PATL2: variants seen among roughly 807,000 people sequenced by gnomAD.
The protein encoded by PATL2 is PAT1 homolog 2, also known as protein PAT1 homolog 2.
A neutral mutation model predicts 77.0 loss-of-function variants in PATL2; 73 were observed. The observed-to-expected ratio is 0.95, with a 90% confidence interval of 0.78 to 1.15. The LOEUF is 1.15. Among genes scored for constraint, PATL2 ranks in the 50% most tolerant of loss-of-function variants. The pLI is 0.00. For synonymous variants in PATL2, 265 were observed against 257.1 expected (o/e 1.03, Z -0.29); for missense variants, 618 against 655.4 (o/e 0.94, Z 0.62).
At chr15:44,685,094 G>A (rs2086223808) in intron 3 of PATL2, among the ~76,000 whole-genome samples, 1 of 152,186 alleles carries the variant, frequency 6.6e-6, no homozygotes. Flanking sequence ...GCTCCTGAAG[G>A]AAGCACTAAA....
intron 3 of PATL2, among the ~76,000 whole-genome samples, chr15:44,691,395 T>C (rs1367491971): frequency 1.3e-5 from 2 of 152,180 alleles, no homozygotes; most frequent in African/African-American, 4.8e-5. Context: ...TGGTGGCTCA[T>C]GCCTGTAATC....
chr15:44,708,238 T>G (rs554188592), intron 3 of PATL2, among the ~76,000 whole-genome samples: 1 of 152,320 alleles, frequency 6.6e-6, no homozygotes, highest in South Asian at 2.1e-4. Context: ...GTGCTTTTTT[T>G]TGTGTGGATC....
chr15:44,667,349 A>G (rs567533050), intron 15 of PATL2, 146 bp from the exon 16 acceptor site: 1 of 636,898 alleles, frequency 1.6e-6, no homozygotes, highest in African/African-American at 1.8e-5. Context: ...CAGGTTTTAC[A>G]CTGGTGAGCC....
chr15:44,676,052 G>A (rs1387549597), intron 4 of PATL2: 2 of 314,236 alleles, frequency 6.4e-6, no homozygotes, highest in Admixed American at 4.7e-5. Context: ...AAAGGAACCC[G>A]GCAGATACCA....
chr15:44,676,976 A>G, intron 3 of PATL2: 2 of 943,722 alleles, frequency 2.1e-6, no homozygotes, highest in Non-Finnish European at 2.5e-6. Flanking sequence ...CTCACCCATT[A>G]AAGGGCTAGC....
At chr15:44,706,493 C>G (rs757848902) in intron 3 of PATL2, among the ~76,000 whole-genome samples, 1 of 152,224 alleles carries the variant, frequency 6.6e-6, no homozygotes, top group Non-Finnish European at 1.5e-5. Flanking sequence ...CTGCTGACAA[C>G]TTAACACTGA....
intron 3 of PATL2, among the ~76,000 whole-genome samples, chr15:44,683,262 G>T (rs1222218073): frequency 1.3e-5 from 2 of 152,096 alleles, no homozygotes; most frequent in African/African-American, 2.4e-5. Context: ...TCTGGAAAGG[G>T]TGCTGAAGCC....
chr15:44,672,515 CCATT>C (rs1039153823), intron 7 of PATL2, 59 bp from the exon 8 acceptor site: 1 of 1,476,990 alleles, frequency 6.8e-7, no homozygotes, highest in African/African-American at 1.4e-5. Flanking sequence ...TCTGCCCCCT[CCATT>C]CATTCAGCCC....
intron 3 of PATL2, among the ~76,000 whole-genome samples, chr15:44,702,025 C>T (rs1272364610): frequency 2.0e-5 from 3 of 152,096 alleles, no homozygotes; most frequent in Non-Finnish European, 4.4e-5. Context: ...CAGGCCCCAC[C>T]TCCAATACTA....
intron 6 of PATL2, 144 bp from the exon 7 acceptor site, chr15:44,673,521 A>C (rs886390795): frequency 9.5e-7 from 1 of 1,051,058 alleles, no homozygotes; most frequent in African/African-American, 1.6e-5. Context: ...CCCTCAAGGC[A>C]GCTTTGGGGG....
chr15:44,693,753 C>T (rs535035741), intron 3 of PATL2, among the ~76,000 whole-genome samples: 49 of 151,182 alleles, frequency 3.2e-4, no homozygotes, highest in African/African-American at 1.2e-3. Flanking sequence ...AGTGCAATGG[C>T]GTGATCTTGG....
chr15:44,684,139 A>C (rs1266211795), intron 3 of PATL2, among the ~76,000 whole-genome samples: 1 of 152,172 alleles, frequency 6.6e-6, no homozygotes, highest in Non-Finnish European at 1.5e-5. Flanking sequence ...GAAGATGAGG[A>C]AAAACCAGCA....
chr15:44,693,847 G>A (rs1445977015), intron 3 of PATL2, among the ~76,000 whole-genome samples: 1 of 152,028 alleles, frequency 6.6e-6, no homozygotes, highest in Non-Finnish European at 1.5e-5. Flanking sequence ...TTACAGGCAT[G>A]TGCCACCATG....
chr15:44,708,735 T>C (rs2086791102), intron 3 of PATL2, among the ~76,000 whole-genome samples: 1 of 152,228 alleles, frequency 6.6e-6, no homozygotes, highest in Admixed American at 6.5e-5. Flanking sequence ...TTTCTAGTTT[T>C]CAGCTATCAC....
Position 44,667,214 on chromosome 15 carries a change from C to CAT in PATL2, c.1366-13_1366-12dup, listed in dbSNP as rs140029574. On this transcript the variant is annotated splice_polypyrimidine_tract_variant and intron_variant, in intron 15 of 17. Transcript: ENST00000682850. ...CAAAGATATTCCAAACTGCAAGGGA[C>CAT]ATATATATATTCCAGAGCAAAATGA... 3,584 of 1,543,926 alleles carry CAT rather than the reference C, an allele frequency of 2.3e-3. 74 individuals are homozygous for CAT. The African/African-American group carries it at 0.044, about 19-fold the overall frequency.
chr15:44,711,362 C>A, upstream of PATL2: 2 of 710,102 alleles, frequency 2.8e-6, no homozygotes, highest in Non-Finnish European at 2.5e-6. Context: ...TTAAACATCA[C>A]GAGACTCTAA....
chr15:44,692,365 T>C (rs145905092), intron 3 of PATL2, among the ~76,000 whole-genome samples: 1 of 152,168 alleles, frequency 6.6e-6, no homozygotes, highest in African/African-American at 2.4e-5. Flanking sequence ...GTTTGTAAAA[T>C]AGCAAACAAA....
intron 3 of PATL2, among the ~76,000 whole-genome samples, chr15:44,691,284 A>C (rs983033050): frequency 2.6e-5 from 4 of 152,198 alleles, no homozygotes; most frequent in African/African-American, 9.6e-5. Context: ...AATGATTTAT[A>C]ACATAACATA....
At chr15:44,700,654 A>G (rs1343854176) in intron 3 of PATL2, among the ~76,000 whole-genome samples, 2 of 152,102 alleles carry the variant, frequency 1.3e-5, no homozygotes, top group African/African-American at 2.4e-5. Context: ...ATCAGTTCTA[A>G]TAGTTTTTTG....
Sources: allele counts gnomAD v4.1 joint callset (sites outside exome capture counted in the v4.1 genomes callset), GRCh38; gene constraint gnomAD v4.1.1; transcripts MANE v1.5; gene names NCBI Gene and HGNC (gene_info 2026-07-23, HGNC 2026-07-21).